MIPOL1: variants seen among roughly 807,000 people sequenced by gnomAD.
MIPOL1 encodes mirror-image polydactyly 1.
In MIPOL1, 57 loss-of-function variants were observed where a neutral mutation model predicts 60.9. That is an observed-to-expected ratio of 0.94 (90% CI 0.76 to 1.17). The LOEUF is 1.17. Among genes scored for constraint, MIPOL1 ranks in the 50% most tolerant of loss-of-function variants. The pLI, the probability that MIPOL1 is intolerant of heterozygous loss-of-function variation, is 0.00. For missense variants in MIPOL1, 551 were observed against 511.6 expected (o/e 1.08, Z -0.74); for synonymous variants, 179 against 168.8 (o/e 1.06, Z -0.47).
chr14:37,411,779 A>G (rs2093685029), intron 10 of MIPOL1, among the ~76,000 whole-genome samples: 1 of 152,152 alleles, frequency 6.6e-6, no homozygotes, highest in Non-Finnish European at 1.5e-5. Context: ...AGTCTAGACT[A>G]CCACATGGCT....
At chr14:37,314,669 G>C (rs964346334) in intron 9 of MIPOL1, among the ~76,000 whole-genome samples, 10 of 152,178 alleles carry the variant, frequency 6.6e-5, no homozygotes, top group African/African-American at 1.4e-4. Flanking sequence ...ATTTTACCTT[G>C]TATCCTGTTA....
At chr14:37,405,362 T>C (rs576741860) in intron 10 of MIPOL1, among the ~76,000 whole-genome samples, 1 of 152,280 alleles carries the variant, frequency 6.6e-6, no homozygotes, top group East Asian at 1.9e-4. Flanking sequence ...ATAAATGAAG[T>C]CAGGTTCATC....
intron 12 of MIPOL1, among the ~76,000 whole-genome samples, chr14:37,538,219 T>G (rs2095514814): frequency 6.6e-6 from 1 of 152,182 alleles, no homozygotes; most frequent in African/African-American, 2.4e-5. Flanking sequence ...AATAATGAAC[T>G]TTAATATGTC....
intron 4 of MIPOL1, among the ~76,000 whole-genome samples, chr14:37,267,429 A>G (rs906531357): frequency 2.6e-5 from 4 of 152,042 alleles, no homozygotes; most frequent in African/African-American, 9.7e-5. Context: ...CGGAGGTTGC[A>G]GTGAGCTGAG....
At chr14:37,251,691 A>C (rs192723256) in intron 3 of MIPOL1, among the ~76,000 whole-genome samples, 71 of 152,168 alleles carry the variant, frequency 4.7e-4, no homozygotes, top group Non-Finnish European at 1.0e-4. Context: ...AAAGACATAG[A>C]GATCGTAAAT....
At chr14:37,273,296 A>G (rs1053771236) in intron 6 of MIPOL1, among the ~76,000 whole-genome samples, 2 of 150,852 alleles carry the variant, frequency 1.3e-5, no homozygotes, top group African/African-American at 4.8e-5. Flanking sequence ...TTTTCAGTGA[A>G]CAGTTTCTGC....
intron 12 of MIPOL1, among the ~76,000 whole-genome samples, chr14:37,541,268 C>A (rs75155621): frequency 0.076 from 11,514 of 152,234 alleles, 594 homozygotes; most frequent in Non-Finnish European, 0.11. Flanking sequence ...GTCCCTTGCT[C>A]CTTCCATTCT....
At position 37,297,126 on chromosome 14, in the gene MIPOL1, C is replaced by T. The variant is rs1158334258; in HGVS notation, c.624-10930C>T. Among the ~76,000 whole-genome samples, 5 of 152,174 alleles carry T rather than the reference C, an allele frequency of 3.3e-5. No individual in the cohort carries two copies. In the East Asian group the frequency reaches 7.7e-4, roughly 23 times the overall value. ...TCCACCATGATCAAGTGGGCTTCAT[C>T]CCTGGGATGCAAGGCTGGTTCAACA... On this transcript the variant is annotated intron_variant, in intron 7 of 12. Coordinates refer to ENST00000684589, the MANE Select transcript of MIPOL1 (RefSeq NM_001388067.1).
In MIPOL1 at chr14:37,542,796, T is replaced by A. The variant is rs78460459; in HGVS notation, c.1263-4109T>A. On this transcript the variant is annotated intron_variant, in intron 12 of 12. Coordinates refer to ENST00000684589, the MANE Select transcript of MIPOL1 (RefSeq NM_001388067.1). ...CTGCTTCTTATGAGTAAGGACTATGTCCTGTTCTTTGAATAATCAAAGCCC... is the reference window on the plus strand; with the variant it reads ...CTGCTTCTTATGAGTAAGGACTATGACCTGTTCTTTGAATAATCAAAGCCC... Among the ~76,000 whole-genome samples, 913 of 152,330 alleles carry A rather than the reference T, an allele frequency of 6.0e-3. 4 individuals carry two copies. Among genetic ancestry groups the A allele is most frequent in the Non-Finnish European group, 0.01 (709 of 68,030 alleles).
At chr14:37,545,755 C>A in intron 12 of MIPOL1, 1 of 584,890 alleles carries the variant, frequency 1.7e-6, no homozygotes, top group South Asian at 2.0e-5. Context: ...GTGGAACTTC[C>A]AAATCATCTA....
At chr14:37,377,110 A>G (rs1325513867) in intron 10 of MIPOL1, among the ~76,000 whole-genome samples, 2 of 152,050 alleles carry the variant, frequency 1.3e-5, no homozygotes, top group Admixed American at 6.6e-5. Flanking sequence ...TAAGCCTTCT[A>G]CCCGGGAAGG....
At chr14:37,460,898 A>G (rs563395888) in intron 11 of MIPOL1, among the ~76,000 whole-genome samples, 8 of 152,328 alleles carry the variant, frequency 5.3e-5, no homozygotes, top group Admixed American at 2.6e-4. Context: ...TGGATCAAAG[A>G]AATCAATATC....
rs560901115 is a variant in MIPOL1 at position 37,501,284 on chromosome 14, A to G, written c.1262+1146A>G. On this transcript the variant is annotated intron_variant, in intron 12 of 12. Transcript: ENST00000684589. ...TGTACGTTAATATTCTAAGAACACT[A>G]TGATGTATAGGTAGATCTCATTTCA... Among the ~76,000 whole-genome samples, 6 of 152,370 alleles carry G rather than the reference A, an allele frequency of 3.9e-5. No homozygotes were observed. The East Asian group carries it at 1.2e-3, about 29-fold the overall frequency.
rs1468288077 is a variant in MIPOL1 at position 37,448,753 on chromosome 14, C to T, written c.1031+25804C>T. The stretch of plus-strand genomic sequence containing the variant: ...AGAAAGTTTTAAAGATCTTAGAGAA[C>T]TAAAAATCTTACTTTATACTGTTAA... On this transcript the variant is annotated intron_variant, in intron 11 of 12. Transcript: ENST00000684589. Among the ~76,000 whole-genome samples, 3 of 152,092 alleles carry T rather than the reference C, an allele frequency of 2.0e-5. No homozygotes were observed. The East Asian group carries it at 5.8e-4, about 29-fold the overall frequency.
In MIPOL1 at chr14:37,404,223, C is replaced by T. The variant is rs369154471; in HGVS notation, c.937-18632C>T. 1.3e-4 allele frequency among the ~76,000 whole-genome samples: 20 copies of T among 152,050 alleles called. No individual in the cohort carries two copies. In the East Asian group the frequency reaches 3.3e-3, roughly 25 times the overall value. On this transcript the variant is annotated intron_variant, in intron 10 of 12. Transcript: ENST00000684589. ...GTTTGCTTGCTTGTTTTGCTGATTT[C>T]TTTGTATACATGAAATGTTTACTGC...
intron 9 of MIPOL1, among the ~76,000 whole-genome samples, chr14:37,368,963 G>A (rs1201519047): frequency 3.9e-5 from 6 of 151,994 alleles, no homozygotes; most frequent in Non-Finnish European, 8.8e-5. Flanking sequence ...CAAAATGGGA[G>A]AAATTAAAAA....
intron 7 of MIPOL1, among the ~76,000 whole-genome samples, chr14:37,304,980 C>G (rs1248720426): frequency 6.6e-6 from 1 of 151,678 alleles, no homozygotes; most frequent in East Asian, 1.9e-4. Context: ...TCATATAACA[C>G]CAACTATTAT....
chr14:37,379,590 A>G (rs2092871698), intron 10 of MIPOL1, among the ~76,000 whole-genome samples: 1 of 152,134 alleles, frequency 6.6e-6, no homozygotes, highest in South Asian at 2.1e-4. Flanking sequence ...TATCTAGAGT[A>G]TATAAATCTT....
intron 7 of MIPOL1, among the ~76,000 whole-genome samples, chr14:37,302,777 T>C (rs1595020260): frequency 6.6e-6 from 1 of 151,890 alleles, no homozygotes; most frequent in East Asian, 1.9e-4. Flanking sequence ...GAATTTACTA[T>C]TCTGTTTCAT....
Sources: allele counts gnomAD v4.1 joint callset (sites outside exome capture counted in the v4.1 genomes callset), GRCh38; gene constraint gnomAD v4.1.1; transcripts MANE v1.5; gene names NCBI Gene and HGNC (gene_info 2026-07-23, HGNC 2026-07-21).